FLRT1: variants seen among roughly 807,000 people sequenced by gnomAD.
FLRT1 encodes the protein fibronectin leucine rich transmembrane protein 1.
FLRT1 carries 14 observed loss-of-function variants against 30.9 expected under a neutral mutation model. That is an observed-to-expected ratio of 0.45 (90% CI 0.30 to 0.71). The LOEUF (loss-of-function observed/expected upper bound fraction) is 0.71. Among genes scored for constraint, FLRT1 ranks in the 30% least tolerant of loss-of-function variants. The probability of loss-of-function intolerance (pLI) is 0.08; values close to 1 mark genes in which losing one functional copy is unlikely to be tolerated. For missense variants in FLRT1, 737 were observed against 949.2 expected (o/e 0.78, Z 2.94); for synonymous variants, 368 against 430.4 (o/e 0.85, Z 1.80).
At chr11:64,073,886 A>T (rs1944153817) in intron 1 of FLRT1, among the ~76,000 whole-genome samples, 1 of 152,140 alleles carries the variant, frequency 6.6e-6, no homozygotes, top group Non-Finnish European at 1.5e-5. Flanking sequence ...GATCCAGCCC[A>T]GCCACTTAGG....
chr11:64,077,678 G>A (rs1280835225), intron 1 of FLRT1, among the ~76,000 whole-genome samples: 1 of 152,152 alleles, frequency 6.6e-6, no homozygotes, highest in East Asian at 1.9e-4. Flanking sequence ...CACCTGCCGT[G>A]CCCCCTTGTT....
chr11:64,113,949 T>C (rs1202724685), intron 2 of FLRT1, among the ~76,000 whole-genome samples: 1 of 147,600 alleles, frequency 6.8e-6, no homozygotes, highest in Non-Finnish European at 1.5e-5. Flanking sequence ...GATGGATGGA[T>C]GGATGGATGG....
intron 2 of FLRT1, among the ~76,000 whole-genome samples, chr11:64,109,632 C>T (rs1033550217): frequency 2.0e-5 from 3 of 152,138 alleles, no homozygotes; most frequent in African/African-American, 7.2e-5. Flanking sequence ...AACCCTCTTA[C>T]CTCCCCGGAC....
At chr11:64,091,914 G>A (rs1001101177) in intron 1 of FLRT1, among the ~76,000 whole-genome samples, 9 of 152,182 alleles carry the variant, frequency 5.9e-5, no homozygotes, top group Admixed American at 2.6e-4. Context: ...TCTGTGTCCC[G>A]AGGCCTCTCT....
chr11:64,082,527 G>A lies in FLRT1; in HGVS notation c.-1037-20667G>A, dbSNP rs1238765461. On this transcript the variant is annotated intron_variant, in intron 1 of 2. Transcript: ENST00000682287. This position sits in a 1 kb window ranked among gnomAD's most constrained non-coding sequence, Gnocchi z 4.5. The stretch of plus-strand genomic sequence containing the variant: ...GGTGAAACAAGGCTCGGTGCCTAAC[G>A]GTGGTGGCCGTGGGAGTCAGAGCTC... Among the ~76,000 whole-genome samples the A allele has an allele frequency of 1.3e-5, 2 of 152,104 alleles. No individual in the cohort carries two copies. Among genetic ancestry groups the A allele is most frequent in the South Asian group, 2.1e-4 (1 of 4,830 alleles).
chr11:64,059,974 G>A (rs541355136), intron 1 of FLRT1, among the ~76,000 whole-genome samples: 43 of 152,294 alleles, frequency 2.8e-4, no homozygotes, highest in African/African-American at 9.4e-4. Context: ...GCACCCTGTG[G>A]TACTGAGGGC....
intron 1 of FLRT1, among the ~76,000 whole-genome samples, chr11:64,100,293 T>C (rs1944649290): frequency 6.6e-6 from 1 of 152,238 alleles, no homozygotes; most frequent in Non-Finnish European, 1.5e-5. Context: ...CTTGGCTTTC[T>C]TTCCCTCCTT....
chr11:64,056,328 C>T (rs556914864), intron 1 of FLRT1, among the ~76,000 whole-genome samples: 3 of 152,224 alleles, frequency 2.0e-5, no homozygotes, highest in South Asian at 4.1e-4. Flanking sequence ...CTGCTCCTCC[C>T]GCTACCCCGC....
chr11:64,037,040 A>C (rs1943395496), intron 1 of FLRT1, among the ~76,000 whole-genome samples: 2 of 152,172 alleles, frequency 1.3e-5, no homozygotes, highest in African/African-American at 4.8e-5. Flanking sequence ...GAGGCCCTCC[A>C]GGGTGGGCAG....
At chr11:64,056,566 GC>G (rs983556100) in intron 1 of FLRT1, among the ~76,000 whole-genome samples, 58 of 152,344 alleles carry the variant, frequency 3.8e-4, no homozygotes, top group African/African-American at 1.3e-3. Context: ...CAAACCTCAT[GC>G]CCCAAAGGCT....
chr11:64,065,070 C>G (rs1019797055), intron 1 of FLRT1, among the ~76,000 whole-genome samples: 6 of 152,204 alleles, frequency 3.9e-5, no homozygotes, highest in Non-Finnish European at 5.9e-5. Flanking sequence ...GGGCCCAGCA[C>G]AGGCACCTGA....
intron 1 of FLRT1, among the ~76,000 whole-genome samples, chr11:64,070,540 CGA>C (rs1258539218): frequency 6.6e-6 from 1 of 152,146 alleles, no homozygotes; most frequent in Non-Finnish European, 1.5e-5. Flanking sequence ...GAGCAGAGCT[CGA>C]GAACTCGAAG....
chr11:64,059,337 T>C (rs1278543022), intron 1 of FLRT1, among the ~76,000 whole-genome samples: 1 of 152,114 alleles, frequency 6.6e-6, no homozygotes, highest in East Asian at 1.9e-4. Context: ...GCCACCGACA[T>C]GGGAGGCGTT....
Position 64,116,770 on chromosome 11 carries a change from T to C in FLRT1, c.503T>C (p.Ile168Thr), listed in dbSNP as rs1944990539. The change falls in exon 3 of 3, where the codon ATT (isoleucine) becomes ACT (threonine). Residue 168 changes from isoleucine (I) to threonine (T), a missense_variant. Transcript: ENST00000682287. Reference protein sequence around the residue: ...LDDNSVSTVSIEEDAFADSKQ... With the variant: ...LDDNSVSTVSTEEDAFADSKQ... ...GACAACTCCGTGTCCACCGTCAGCA[T>C]TGAGGAGGACGCCTTCGCCGACAGC... The C allele has an allele frequency of 1.9e-6, 3 of 1,613,596 alleles. No individual in the cohort carries two copies. The highest frequency in any genetic ancestry group is 2.5e-6 in the Non-Finnish European group (3 of 1,180,002).
rs1431197044 is a variant in FLRT1, at chr11:64,110,725, G to A, written c.-49-5494G>A. On this transcript the variant is annotated intron_variant, in intron 2 of 2. Transcript: ENST00000682287. ...AGGTCGTAACTCACACCACGCTGAAGTCTGAGGGATCCACGCAAGGGCGAC... is the reference window on the plus strand; with the variant it reads ...AGGTCGTAACTCACACCACGCTGAAATCTGAGGGATCCACGCAAGGGCGAC... 2.6e-5 allele frequency among the ~76,000 whole-genome samples: 4 copies of A among 152,230 alleles called. No homozygotes were observed. In the East Asian group the frequency reaches 7.7e-4, roughly 29 times the overall value.
chr11:64,113,587 ATGGATGGATGGTTAGG>A (rs1453389343), intron 2 of FLRT1, among the ~76,000 whole-genome samples: 13 of 136,426 alleles, frequency 9.5e-5, no homozygotes, highest in African/African-American at 3.7e-4. Context: ...GATAGCATGG[ATGGATGGATGGTTAGG>A]TGGATGGATG....
chr11:64,099,560 GGATA>G (rs1944635059), intron 1 of FLRT1, among the ~76,000 whole-genome samples: 1 of 152,014 alleles, frequency 6.6e-6, no homozygotes, highest in African/African-American at 2.4e-5. Context: ...ATGGATGGAT[GGATA>G]GAGGTGAATA....
intron 1 of FLRT1, among the ~76,000 whole-genome samples, chr11:64,078,555 G>A (rs1944245783): frequency 6.6e-6 from 1 of 152,230 alleles, no homozygotes; most frequent in African/African-American, 2.4e-5. Context: ...GGTGGGCAGT[G>A]GTGTGAGCGC....
intron 1 of FLRT1, among the ~76,000 whole-genome samples, chr11:64,046,298 A>T (rs1292822777): frequency 1.3e-5 from 2 of 152,176 alleles, no homozygotes; most frequent in East Asian, 3.9e-4. Context: ...CTAGTAGCAA[A>T]CTTAGTTGCT....
Sources: allele counts gnomAD v4.1 joint callset (sites outside exome capture counted in the v4.1 genomes callset), GRCh38; gene constraint gnomAD v4.1.1; non-coding constraint Gnocchi (gnomAD v3.1); transcripts MANE v1.5; gene names NCBI Gene and HGNC (gene_info 2026-07-23, HGNC 2026-07-21).